Variants in DNAH11 observed in about 807,000 individuals in gnomAD.
DNAH11 encodes axonemal beta dynein heavy chain 11.
In DNAH11, 442 loss-of-function variants were observed where a neutral mutation model predicts 526.0. The ratio of observed to expected loss-of-function variants is 0.84; its 90% confidence interval spans 0.78 to 0.91. The LOEUF (loss-of-function observed/expected upper bound fraction) is 0.91, where lower values mean the gene tolerates loss of function less well. Among genes scored for constraint, DNAH11 ranks in the 40% least tolerant of loss-of-function variants. DNAH11 has a pLI of 0.00. For missense variants in DNAH11, 6,989 were observed against 5,448.7 expected (o/e 1.28, Z -8.90); for synonymous variants, 2,461 against 1,935.9 (o/e 1.27, Z -7.12).
chr7:21,859,981 G>A (rs1782995729), intron 68 of DNAH11, among the ~76,000 whole-genome samples: 1 of 152,074 alleles, frequency 6.6e-6, no homozygotes, highest in Non-Finnish European at 1.5e-5. Context: ...CAACAAGCCT[G>A]GGCAACACAG....
chr7:21,831,755 C>T (rs918252485), intron 65 of DNAH11, among the ~76,000 whole-genome samples: 3 of 152,122 alleles, frequency 2.0e-5, no homozygotes, highest in Non-Finnish European at 4.4e-5. Flanking sequence ...AAGCATCTTA[C>T]GGAGGTTAAC....
chr7:21,889,585 C>T (rs1784257057), intron 76 of DNAH11, among the ~76,000 whole-genome samples: 1 of 152,142 alleles, frequency 6.6e-6, no homozygotes, highest in African/African-American at 2.4e-5. Flanking sequence ...TTTATTTTAG[C>T]CATTCTGGTG....
At position 21,698,320 on chromosome 7, in the gene DNAH11, T is replaced by A; in HGVS notation, c.6180+107T>A. On this transcript the variant is annotated intron_variant, in intron 36 of 81. Coordinates refer to ENST00000409508, the MANE Select transcript of DNAH11 (RefSeq NM_001277115.2). The stretch of plus-strand genomic sequence containing the variant: ...ATTCAAATTACATTAGACATTAAAA[T>A]TTTTTTGTACTTAAAAAAATTCAAT... 4 of 1,467,488 alleles carry A rather than the reference T, an allele frequency of 2.7e-6. 1 individual carries two copies. The South Asian group carries it at 3.9e-5, about 14-fold the overall frequency. The allele number at this position is 1,467,488 out of a possible 1,614,324, so 90.9% of individuals were successfully genotyped here.
At chr7:21,639,263 G>C (rs1281020501) in intron 28 of DNAH11, among the ~76,000 whole-genome samples, 198 bp downstream of exon 28, 1 of 152,174 alleles carries the variant, frequency 6.6e-6, no homozygotes, top group Non-Finnish European at 1.5e-5. Flanking sequence ...GTCTGGTGCT[G>C]TGTAAAGAGG....
chr7:21,840,662 G>A (rs1187764443), intron 65 of DNAH11, among the ~76,000 whole-genome samples: 1 of 152,100 alleles, frequency 6.6e-6, no homozygotes, highest in Non-Finnish European at 1.5e-5. Context: ...AGACCATGAA[G>A]CTTGTATGAA....
chr7:21,867,579 A>G lies in DNAH11; in HGVS notation c.11691-280A>G, dbSNP rs191038392. ...CTGGCAGGGGATTTGGGGGATACAA[A>G]GCCATAGCAGACAGCTGATGGCACT... On this transcript the variant is annotated intron_variant, in intron 71 of 81. Transcript: ENST00000409508. Among the ~76,000 whole-genome samples the G allele has an allele frequency of 7.0e-3, 1,066 of 152,280 alleles. 2 individuals carry two copies. The highest frequency in any genetic ancestry group is 0.024 in the Middle Eastern group (7 of 294).
chr7:21,608,714 G>A (rs758972417), intron 20 of DNAH11, among the ~76,000 whole-genome samples: 5 of 152,124 alleles, frequency 3.3e-5, no homozygotes, highest in Non-Finnish European at 7.3e-5. Context: ...GATTGTGGAT[G>A]GGGAAACGTT....
At chr7:21,596,138 C>T (rs1401087901) in intron 14 of DNAH11, among the ~76,000 whole-genome samples, 1 of 152,238 alleles carries the variant, frequency 6.6e-6, no homozygotes, top group Non-Finnish European at 1.5e-5. Context: ...ATTTTCCCAT[C>T]AATGACAATT....
chr7:21,623,182 G>A (rs1177615279), intron 25 of DNAH11, among the ~76,000 whole-genome samples: 1 of 152,184 alleles, frequency 6.6e-6, no homozygotes, highest in Admixed American at 6.5e-5. Context: ...CTCAAAAGAA[G>A]ACATTTATGC....
intron 35 of DNAH11, among the ~76,000 whole-genome samples, chr7:21,696,036 C>G (rs1365453673): frequency 6.6e-6 from 1 of 152,170 alleles, no homozygotes; most frequent in Admixed American, 6.5e-5. Context: ...TATCTTCTCT[C>G]TCTTCCTATT....
chr7:21,767,327 G>C (rs926086894), intron 55 of DNAH11, among the ~76,000 whole-genome samples: 1 of 152,152 alleles, frequency 6.6e-6, no homozygotes, highest in African/African-American at 2.4e-5. Context: ...CTAGTAGCAT[G>C]GTTTAAGTTG....
At chr7:21,734,020 C>G (rs1210823936) in intron 45 of DNAH11, among the ~76,000 whole-genome samples, 1 of 152,096 alleles carries the variant, frequency 6.6e-6, no homozygotes, top group East Asian at 1.9e-4. Context: ...GTTCGTCACA[C>G]TAAAACAAGC....
chr7:21,666,879 A>G (rs1782441158), intron 30 of DNAH11, among the ~76,000 whole-genome samples: 1 of 152,018 alleles, frequency 6.6e-6, no homozygotes, highest in African/African-American at 2.4e-5. Flanking sequence ...ATCAAAGGTT[A>G]CATTGAATGA....
At chr7:21,800,309 T>A (rs1015538307) in intron 61 of DNAH11, among the ~76,000 whole-genome samples, 6 of 152,168 alleles carry the variant, frequency 3.9e-5, no homozygotes, top group African/African-American at 1.4e-4. Flanking sequence ...CAATGGATTA[T>A]CTCTGAGTTT....
At chr7:21,867,174 T>G (rs909708318) in intron 71 of DNAH11, among the ~76,000 whole-genome samples, 2 of 152,230 alleles carry the variant, frequency 1.3e-5, no homozygotes, top group African/African-American at 4.8e-5. Context: ...CCCTCTTGGC[T>G]TCTAAATGGT....
At position 21,720,837 on chromosome 7, in the gene DNAH11, G is replaced by T. The variant is rs1370771208; in HGVS notation, c.7247G>T (p.Gly2416Val). Residue 2416 changes from glycine to valine, a missense_variant, in exon 44 of 82, where the codon GGC (glycine) becomes GTC (valine). Coordinates refer to ENST00000409508, the MANE Select transcript of DNAH11 (RefSeq NM_001277115.2). ...TTTGCTTGTATCTGGGCTTTTGGAG[G>T]CACCCTGCTACAAGATCAGGTATGT... is the stretch of plus-strand genomic sequence containing the variant. Reference protein sequence around the residue: ...FVFACIWAFGGTLLQDQISDY... With the variant: ...FVFACIWAFGVTLLQDQISDY... The T allele has an allele frequency of 1.9e-6, 3 of 1,612,762 alleles. No homozygotes were observed. In the South Asian group the frequency reaches 3.3e-5, roughly 18 times the overall value.
At chr7:21,613,783 G>T (rs1283526035) in intron 20 of DNAH11, among the ~76,000 whole-genome samples, 4 of 151,968 alleles carry the variant, frequency 2.6e-5, no homozygotes, top group African/African-American at 9.7e-5. Context: ...TTGTTTTGTT[G>T]AGACAGGGTC....
chr7:21,784,345 A>C lies in DNAH11; in HGVS notation c.9484-82A>C, dbSNP rs530197771. ...AGAGAAATGAATTATTTAACAGTGCATCTGAGTCAACCTCCATTTTTCTTT... is the reference window on the plus strand; with the variant it reads ...AGAGAAATGAATTATTTAACAGTGCCTCTGAGTCAACCTCCATTTTTCTTT... On this transcript the variant is annotated intron_variant, in intron 57 of 81. Transcript: ENST00000409508. 6 of 1,024,174 alleles carry C rather than the reference A, an allele frequency of 5.9e-6. No homozygotes were observed. The South Asian group carries it at 6.8e-5, about 12-fold the overall frequency. The allele number at this position is 1,024,174 out of a possible 1,614,324, so 63.4% of individuals were successfully genotyped here. A position where few individuals can be genotyped will look rare whatever the true frequency, so the allele number is the denominator to read the frequency against.
At chr7:21,585,670 A>G (rs987681573) in intron 9 of DNAH11, among the ~76,000 whole-genome samples, 1 of 152,240 alleles carries the variant, frequency 6.6e-6, no homozygotes, top group African/African-American at 2.4e-5. Context: ...AAAGGACTTC[A>G]GCTTTGAAAA....
Sources: allele counts gnomAD v4.1 joint callset (sites outside exome capture counted in the v4.1 genomes callset), GRCh38; gene constraint gnomAD v4.1.1; transcripts MANE v1.5; gene names NCBI Gene and HGNC (gene_info 2026-07-23, HGNC 2026-07-21).